The following SUGCT variants were observed in gnomAD, a reference collection of about 807,000 sequenced individuals.
SUGCT encodes succinyl-CoA:glutarate CoA-transferase.
In SUGCT, 41 loss-of-function variants were observed where a neutral mutation model predicts 55.0. The observed-to-expected ratio is 0.74, with a 90% CI of 0.58 to 0.97. The LOEUF (loss-of-function observed/expected upper bound fraction) is 0.97. Among genes scored for constraint, SUGCT ranks in the 50% least tolerant of loss-of-function variants. The probability of loss-of-function intolerance (pLI) is 0.00; values close to 1 mark genes in which losing one functional copy is unlikely to be tolerated. For synonymous variants in SUGCT, 187 were observed against 200.4 expected, an observed-to-expected ratio of 0.93 and a Z score of 0.56; for missense variants, 568 against 547.8, an observed-to-expected ratio of 1.04 and a Z score of -0.37.
chr7:40,780,127 T>A (rs1402720024), intron 13 of SUGCT, among the ~76,000 whole-genome samples: 1 of 152,228 alleles, frequency 6.6e-6, no homozygotes. Flanking sequence ...TGTCTTCGGC[T>A]GGTGATTTGT....
At chr7:41,013,198 G>A in the SUGCT span, among the ~76,000 whole-genome samples, 3 of 152,146 alleles carry the variant, frequency 2.0e-5, no homozygotes, top group Non-Finnish European at 4.4e-5. Flanking sequence ...AATAATACAT[G>A]ATTTCTGTTC....
At chr7:40,997,236 A>G in the SUGCT span, among the ~76,000 whole-genome samples, 310 of 152,274 alleles carry the variant, frequency 2.0e-3, no homozygotes, top group African/African-American at 6.7e-3. Flanking sequence ...CTACACATCC[A>G]TTAGCCACGA....
chr7:40,339,823 G>A (rs1034548749), intron 9 of SUGCT, among the ~76,000 whole-genome samples: 32 of 152,170 alleles, frequency 2.1e-4, no homozygotes, highest in South Asian at 2.1e-4. Flanking sequence ...GAAATCACCC[G>A]TCTTCTGCAT....
chr7:40,512,817 CA>C (rs1354837991), intron 12 of SUGCT, among the ~76,000 whole-genome samples: 2 of 151,972 alleles, frequency 1.3e-5, no homozygotes, highest in African/African-American at 4.8e-5. Flanking sequence ...GGATAGAGTG[CA>C]GATGAGAGAT....
chr7:41,019,963 A>G, the SUGCT span, among the ~76,000 whole-genome samples: 36 of 152,074 alleles, frequency 2.4e-4, no homozygotes, highest in Non-Finnish European at 4.4e-4. Flanking sequence ...GTCACTTGTC[A>G]TTTTTCCTGT....
the SUGCT span, among the ~76,000 whole-genome samples, chr7:40,949,964 TTAAAG>T: frequency 6.6e-6 from 1 of 152,182 alleles, no homozygotes; most frequent in Admixed American, 6.5e-5. Context: ...CATATGAACT[TTAAAG>T]TAGTTTTTTC....
chr7:40,336,380 G>A (rs1014717705), intron 9 of SUGCT, among the ~76,000 whole-genome samples: 12 of 152,128 alleles, frequency 7.9e-5, no homozygotes, highest in Non-Finnish European at 7.4e-5. Flanking sequence ...TCTAGTCCTG[G>A]ACATTTTTTG....
intron 12 of SUGCT, among the ~76,000 whole-genome samples, chr7:40,564,429 G>A (rs1796018123): frequency 6.6e-6 from 1 of 152,114 alleles, no homozygotes; most frequent in African/African-American, 2.4e-5. Context: ...CATCTCAAAC[G>A]ATAAGCCTAT....
chr7:40,588,230 T>C (rs63645063), intron 12 of SUGCT, among the ~76,000 whole-genome samples: 1 of 135,806 alleles, frequency 7.4e-6, no homozygotes, highest in Admixed American at 7.2e-5. Flanking sequence ...GAAAATTCTC[T>C]TTTTTTTTTT....
intron 2 of SUGCT, 135 bp from the exon 3 acceptor site, chr7:40,181,820 C>A: frequency 1.7e-6 from 1 of 573,374 alleles, no homozygotes; most frequent in Non-Finnish European, 3.1e-6. Context: ...TACATATGGC[C>A]AAATTACAGT....
intron 12 of SUGCT, among the ~76,000 whole-genome samples, chr7:40,647,783 G>A (rs937807371): frequency 2.0e-5 from 3 of 151,808 alleles, no homozygotes; most frequent in Non-Finnish European, 2.9e-5. Context: ...CCCAGGAAGT[G>A]GAGATTGCAG....
At chr7:40,193,216 C>T (rs554762278) in intron 5 of SUGCT, among the ~76,000 whole-genome samples, 1 of 151,716 alleles carries the variant, frequency 6.6e-6, no homozygotes, top group South Asian at 2.1e-4. Flanking sequence ...ATCTATCCCC[C>T]CGACTCAGCC....
At chr7:40,302,058 C>T (rs1353544975) in intron 8 of SUGCT, among the ~76,000 whole-genome samples, 1 of 152,104 alleles carries the variant, frequency 6.6e-6, no homozygotes, top group African/African-American at 2.4e-5. Flanking sequence ...CACTGTTGTT[C>T]TATTTCTTTC....
chr7:40,468,252 A>C (rs76419769), intron 11 of SUGCT, among the ~76,000 whole-genome samples: 4,359 of 152,248 alleles, frequency 0.029, 155 homozygotes, highest in African/African-American at 0.075. Flanking sequence ...TTTTATGTGT[A>C]CGTTTTTCAC....
At chr7:40,532,524 GTC>G (rs1370462436) in intron 12 of SUGCT, among the ~76,000 whole-genome samples, 1 of 141,482 alleles carries the variant, frequency 7.1e-6, no homozygotes, top group Non-Finnish European at 1.5e-5. Context: ...GAGCAAGTAT[GTC>G]TGTGTGTGTG....
intron 12 of SUGCT, among the ~76,000 whole-genome samples, chr7:40,655,640 G>A (rs1800982472): frequency 6.6e-6 from 1 of 152,174 alleles, no homozygotes; most frequent in Non-Finnish European, 1.5e-5. Flanking sequence ...CTTACAGAGG[G>A]TCAAGATGAT....
chr7:40,254,474 C>T (rs1316962125), intron 7 of SUGCT, among the ~76,000 whole-genome samples: 4 of 151,708 alleles, frequency 2.6e-5, no homozygotes, highest in Non-Finnish European at 5.9e-5. Flanking sequence ...CTCGGCTCTC[C>T]GCAACCTCTG....
At chr7:40,598,606 A>G (rs964630262) in intron 12 of SUGCT, among the ~76,000 whole-genome samples, 6 of 152,206 alleles carry the variant, frequency 3.9e-5, no homozygotes, top group African/African-American at 1.2e-4. Flanking sequence ...CAGAGTGAGA[A>G]TGAGCATGCA....
intron 12 of SUGCT, among the ~76,000 whole-genome samples, chr7:40,667,084 A>G (rs1305814324): frequency 6.7e-6 from 1 of 148,872 alleles, no homozygotes; most frequent in Non-Finnish European, 1.5e-5. Flanking sequence ...TCCAGTCTAG[A>G]TGACACAGCT....
Sources: allele counts gnomAD v4.1 joint callset (sites outside exome capture counted in the v4.1 genomes callset), GRCh38; gene constraint gnomAD v4.1.1; transcripts MANE v1.5; gene names NCBI Gene and HGNC (gene_info 2026-07-23, HGNC 2026-07-21).